The following PARD3B variants were observed in gnomAD, a reference collection of about 807,000 sequenced individuals.
The protein encoded by PARD3B is par-3 family cell polarity regulator beta, also known as partitioning defective 3 homolog B.
Under a neutral mutation model 130.2 loss-of-function variants are expected in PARD3B, and 103 were observed. The ratio of observed to expected loss-of-function variants is 0.79; its 90% CI spans 0.67 to 0.93. The LOEUF (loss-of-function observed/expected upper bound fraction) is 0.93, where lower values mean the gene tolerates loss of function less well. PARD3B is among the 40% of genes least tolerant of loss of function. PARD3B has a pLI of 0.00. For missense variants in PARD3B, 1,609 were observed against 1,499.2 expected (o/e 1.07, Z -1.21); for synonymous variants, 583 against 553.2 (o/e 1.05, Z -0.76).
intron 2 of PARD3B, among the ~76,000 whole-genome samples, chr2:204,713,452 G>T (rs945800468): frequency 1.3e-5 from 2 of 150,356 alleles, no homozygotes; most frequent in Admixed American, 6.6e-5. Context: ...CAGTTTTGTG[G>T]CATTAAGAAC....
chr2:204,555,506 T>G (rs1000479030), intron 1 of PARD3B, among the ~76,000 whole-genome samples: 1 of 152,090 alleles, frequency 6.6e-6, no homozygotes, highest in Non-Finnish European at 1.5e-5. Context: ...TGCAGTGAGC[T>G]GAGAGTGCAT....
intron 4 of PARD3B, among the ~76,000 whole-genome samples, chr2:205,084,394 G>C (rs139254555): frequency 0.023 from 3,526 of 152,070 alleles, 58 homozygotes; most frequent in South Asian, 0.041. Context: ...TATTTCATAG[G>C]TGGTGCTTTC....
intron 2 of PARD3B, among the ~76,000 whole-genome samples, chr2:204,933,053 C>A (rs186921984): frequency 6.6e-6 from 1 of 152,282 alleles, no homozygotes; most frequent in Non-Finnish European, 1.5e-5. Context: ...CTGTCTCAAA[C>A]CTCTTAGGAA....
At chr2:204,992,558 C>T (rs1284292463) in intron 3 of PARD3B, among the ~76,000 whole-genome samples, 1 of 144,568 alleles carries the variant, frequency 6.9e-6, no homozygotes, top group African/African-American at 2.6e-5. Flanking sequence ...CTTGGCGATG[C>T]GGGCTCTTTT....
Position 205,550,953 on chromosome 2 carries a change from G to T in PARD3B, c.3181-2371G>T, listed in dbSNP as rs867995319. 2.0e-5 allele frequency among the ~76,000 whole-genome samples: 1 copy of T among 49,876 alleles called. No individual in the cohort carries two copies. Among genetic ancestry groups the T allele is most frequent in the African/African-American group, 8.0e-5 (1 of 12,488 alleles). The allele number at this position is 49,876 out of a possible 152,430, so 32.7% of individuals were successfully genotyped here. A position where few individuals can be genotyped will look rare whatever the true frequency, so the allele number is the denominator to read the frequency against. On this transcript the variant is annotated intron_variant, in intron 21 of 22. Transcript: ENST00000406610. The surrounding 1 kb of genome is among the most constrained non-coding windows in gnomAD (Gnocchi z 4.5). ...TGTGTGTGTGTGTGTATATATATAT[G>T]TGTATATATATATATATATATATAC...
intron 10 of PARD3B, among the ~76,000 whole-genome samples, chr2:205,130,215 A>G (rs922064156): frequency 3.3e-5 from 5 of 152,168 alleles, no homozygotes; most frequent in Admixed American, 6.5e-5. Flanking sequence ...TGCAGAAGGT[A>G]CTTTGAGATT....
chr2:204,837,054 C>T (rs547261213), intron 2 of PARD3B, among the ~76,000 whole-genome samples: 3 of 152,270 alleles, frequency 2.0e-5, no homozygotes, highest in Non-Finnish European at 4.4e-5. Flanking sequence ...TGAGATAGTT[C>T]ACCTTCGGTA....
intron 2 of PARD3B, among the ~76,000 whole-genome samples, chr2:204,863,396 C>T (rs895413500): frequency 4.6e-5 from 7 of 152,198 alleles, no homozygotes; most frequent in Non-Finnish European, 1.0e-4. Context: ...GAGACCCCCA[C>T]AACCACTTCT....
chr2:204,592,056 C>T (rs1044838520), intron 1 of PARD3B, among the ~76,000 whole-genome samples: 1 of 152,226 alleles, frequency 6.6e-6, no homozygotes, highest in African/African-American at 2.4e-5. Context: ...AGGTGGACAG[C>T]TATCATTTAG....
chr2:205,449,523 G>A (rs191679950), intron 20 of PARD3B, among the ~76,000 whole-genome samples: 66 of 152,178 alleles, frequency 4.3e-4, no homozygotes, highest in African/African-American at 5.3e-4. Flanking sequence ...AAGCCACCGC[G>A]CCTGGCCCCC....
intron 21 of PARD3B, among the ~76,000 whole-genome samples, chr2:205,531,317 C>G (rs2051582436): frequency 6.6e-6 from 1 of 152,030 alleles, no homozygotes; most frequent in African/African-American, 2.4e-5. Context: ...AAACATGAAG[C>G]AGGAAATGAT....
chr2:204,843,723 A>G (rs531888470), intron 2 of PARD3B, among the ~76,000 whole-genome samples: 2 of 152,300 alleles, frequency 1.3e-5, no homozygotes, highest in South Asian at 4.1e-4. Flanking sequence ...AAGCCAGAGA[A>G]GCAGGTGCAT....
At chr2:205,059,847 C>A (rs1699961018) in intron 4 of PARD3B, among the ~76,000 whole-genome samples, 2 of 152,064 alleles carry the variant, frequency 1.3e-5, no homozygotes, top group South Asian at 4.1e-4. Flanking sequence ...CTACCCAGCA[C>A]ACCTTGGAGG....
chr2:205,524,169 G>C (rs980655621), intron 21 of PARD3B, among the ~76,000 whole-genome samples: 1 of 151,878 alleles, frequency 6.6e-6, no homozygotes, highest in African/African-American at 2.4e-5. Context: ...CATTTGTCAG[G>C]GTTTTGGTCT....
At chr2:205,451,023 A>G (rs376441557) in intron 20 of PARD3B, among the ~76,000 whole-genome samples, 2 of 152,218 alleles carry the variant, frequency 1.3e-5, no homozygotes, top group Non-Finnish European at 1.5e-5. Context: ...AGAGCTGTCA[A>G]TAACAACAGT....
At chr2:205,602,491 A>C (rs2054826978) in intron 22 of PARD3B, among the ~76,000 whole-genome samples, 1 of 152,168 alleles carries the variant, frequency 6.6e-6, no homozygotes, top group Non-Finnish European at 1.5e-5. Context: ...ATTCAGCTAT[A>C]AATCCATTTG....
chr2:204,611,254 G>C (rs2033911315), intron 1 of PARD3B, among the ~76,000 whole-genome samples: 1 of 152,166 alleles, frequency 6.6e-6, no homozygotes, highest in Admixed American at 6.5e-5. Flanking sequence ...ATGTGCTACA[G>C]AGGAAGAAAT....
At chr2:205,475,122 A>C (rs2048981285) in intron 20 of PARD3B, among the ~76,000 whole-genome samples, 1 of 152,126 alleles carries the variant, frequency 6.6e-6, no homozygotes, top group Non-Finnish European at 1.5e-5. Context: ...GCACTGAACT[A>C]AGCTATATCT....
At chr2:205,174,800 C>A (rs1559510049) in intron 12 of PARD3B, among the ~76,000 whole-genome samples, 1 of 152,120 alleles carries the variant, frequency 6.6e-6, no homozygotes, top group African/African-American at 2.4e-5. Flanking sequence ...CCGCATTACC[C>A]AGATGTACAA....
Sources: allele counts gnomAD v4.1 joint callset (sites outside exome capture counted in the v4.1 genomes callset), GRCh38; gene constraint gnomAD v4.1.1; non-coding constraint Gnocchi (gnomAD v3.1); transcripts MANE v1.5; gene names NCBI Gene and HGNC (gene_info 2026-07-23, HGNC 2026-07-21).